The following METTL15 variants were observed in gnomAD, a reference collection of about 807,000 sequenced individuals.
The protein encoded by METTL15 is methyltransferase 15, mitochondrial 12S rRNA N4-cytidine, also known as 12S rRNA N(4)-cytidine methyltransferase METTL15.
A neutral mutation model predicts 38.3 loss-of-function variants in METTL15; 34 were observed. The ratio of observed to expected loss-of-function variants is 0.89; its 90% CI spans 0.68 to 1.18. The LOEUF (loss-of-function observed/expected upper bound fraction) is 1.18, where lower values mean the gene tolerates loss of function less well. METTL15 is among the 50% of genes most tolerant of loss of function. METTL15 has a pLI of 0.00. For missense variants in METTL15, 438 were observed against 498.4 expected (o/e 0.88, Z 1.15); for synonymous variants, 162 against 170.9 (o/e 0.95, Z 0.41).
At chr11:28,349,876 C>T (rs1318991355) in intron 3 of METTL15, among the ~76,000 whole-genome samples, 1 of 152,142 alleles carries the variant, frequency 6.6e-6, no homozygotes, top group African/African-American at 2.4e-5. Context: ...AATAAGATTA[C>T]AAATGTTAAC....
intron 3 of METTL15, among the ~76,000 whole-genome samples, chr11:28,129,818 A>G (rs1414099304): frequency 5.3e-5 from 8 of 152,084 alleles, no homozygotes; most frequent in Admixed American, 1.3e-4. Flanking sequence ...GGATCTGGGG[A>G]TTGCTAAAAT....
chr11:28,126,679 C>T (rs898164496), intron 3 of METTL15, among the ~76,000 whole-genome samples: 4 of 152,058 alleles, frequency 2.6e-5, no homozygotes, highest in African/African-American at 9.7e-5. Flanking sequence ...CAGAAGATGT[C>T]TATTAAGTTT....
At chr11:28,405,428 A>G (rs1407640883) in intron 5 of METTL15, among the ~76,000 whole-genome samples, 1 of 152,046 alleles carries the variant, frequency 6.6e-6, no homozygotes, top group East Asian at 1.9e-4. Flanking sequence ...CTTAACTACA[A>G]TTTACTTTTT....
At chr11:28,110,473 G>A (rs1351523643) in intron 2 of METTL15, 72 bp downstream of exon 2, 1 of 152,190 alleles carries the variant, frequency 6.6e-6, no homozygotes, top group African/African-American at 2.4e-5. Context: ...ACTCCACAGG[G>A]GTCGCTGGAT....
chr11:28,264,725 A>G (rs1010857336), intron 4 of METTL15, among the ~76,000 whole-genome samples: 3 of 152,150 alleles, frequency 2.0e-5, no homozygotes, highest in Admixed American at 6.5e-5. Context: ...ATAGTACTGC[A>G]GACCTCATTT....
At chr11:28,391,486 A>T (rs971284068) in intron 5 of METTL15, among the ~76,000 whole-genome samples, 1 of 152,192 alleles carries the variant, frequency 6.6e-6, no homozygotes, top group Admixed American at 6.6e-5. Flanking sequence ...TATTGAGATA[A>T]TCATGAGCCT....
chr11:28,296,689 G>C, intron 5 of METTL15, 64 bp from the exon 6 acceptor site: 1 of 1,563,708 alleles, frequency 6.4e-7, no homozygotes, highest in Admixed American at 1.7e-5. Flanking sequence ...TCAGTACTCT[G>C]AAGTTTCACG....
At chr11:28,111,941 C>T (rs542870952) in intron 2 of METTL15, among the ~76,000 whole-genome samples, 39 of 152,232 alleles carry the variant, frequency 2.6e-4, no homozygotes, top group African/African-American at 6.5e-4. Flanking sequence ...AACCAAAAAT[C>T]TACTTAGATC....
chr11:28,142,442 A>G (rs1042916396), intron 3 of METTL15, among the ~76,000 whole-genome samples: 47 of 152,192 alleles, frequency 3.1e-4, no homozygotes, highest in African/African-American at 7.7e-4. Flanking sequence ...TGCCTGGCCT[A>G]TTTTGGAAAT....
At chr11:28,354,025 C>T (rs1850068105) in intron 4 of METTL15, among the ~76,000 whole-genome samples, 1 of 150,294 alleles carries the variant, frequency 6.7e-6, no homozygotes. Flanking sequence ...ACCTCATATT[C>T]TAAGAGAGAA....
At chr11:28,225,925 T>C (rs2133873559) in intron 4 of METTL15, among the ~76,000 whole-genome samples, 1 of 152,156 alleles carries the variant, frequency 6.6e-6, no homozygotes, top group East Asian at 1.9e-4. Flanking sequence ...AAAATCTCTT[T>C]GAGATTATTC....
chr11:28,482,691 G>T lies in METTL15; in HGVS notation c.*425-43787G>T, dbSNP rs558002536. On this transcript the variant is annotated intron_variant and NMD_transcript_variant, in intron 6 of 7. Transcript: ENST00000532947. ...ACCAGAGCCAGTTTGTCTGGCTCAG[G>T]GCTACATGCAAAGTGTGGCTCAGCA... Among the ~76,000 whole-genome samples, 33 of 152,218 alleles carry T rather than the reference G, an allele frequency of 2.2e-4. No homozygotes were observed. In the South Asian group the frequency reaches 6.4e-3, roughly 30 times the overall value.
At chr11:28,226,592 C>G (rs186103868) in intron 4 of METTL15, among the ~76,000 whole-genome samples, 15 of 151,934 alleles carry the variant, frequency 9.9e-5, no homozygotes, top group Non-Finnish European at 1.6e-4. Flanking sequence ...GCCAAATTTA[C>G]ACAGGAAGCC....
At chr11:28,279,321 CTAAAATTTGATTGT>C (rs1855960537) in intron 4 of METTL15, among the ~76,000 whole-genome samples, 1 of 152,014 alleles carries the variant, frequency 6.6e-6, no homozygotes, top group African/African-American at 2.4e-5. Context: ...TACAAGCAGC[CTAAAATTTGATTGT>C]TAAAATTCAA....
rs561266383 is a variant in METTL15 at position 28,268,129 on chromosome 11, G to A, written c.408-22077G>A. 5.5e-3 allele frequency among the ~76,000 whole-genome samples: 761 copies of A among 139,380 alleles called. 2 individuals are homozygous for A. Among genetic ancestry groups the A allele is most frequent in the Admixed American group, 0.012 (152 of 12,456 alleles). The allele number at this position is 139,380 out of a possible 152,430, so 91.4% of individuals were successfully genotyped here. A position where few individuals can be genotyped will look rare whatever the true frequency, so the allele number is the denominator to read the frequency against. On this transcript the variant is annotated intron_variant, in intron 4 of 6. Coordinates refer to ENST00000407364, the MANE Select transcript of METTL15 (RefSeq NM_001113528.2). ...GGAGAATGGCGTGAACCCGAGAGGCGGAGCTTGCAGTGAGCCGAGATCCCG... is the reference window on the plus strand; with the variant it reads ...GGAGAATGGCGTGAACCCGAGAGGCAGAGCTTGCAGTGAGCCGAGATCCCG...
intron 3 of METTL15, among the ~76,000 whole-genome samples, chr11:28,208,254 T>C (rs569116711): frequency 1.8e-4 from 27 of 152,316 alleles, no homozygotes; most frequent in African/African-American, 6.5e-4. Flanking sequence ...TTTAGTGCTA[T>C]AAATTTCCCT....
At position 28,295,474 on chromosome 11, in the gene METTL15, A is replaced by G. The variant is rs367944562; in HGVS notation, c.600-1279A>G. Among the ~76,000 whole-genome samples the G allele has an allele frequency of 7.2e-5, 11 of 152,046 alleles. No individual in the cohort carries two copies. In the East Asian group the frequency reaches 1.9e-3, roughly 27 times the overall value. On this transcript the variant is annotated intron_variant, in intron 5 of 6. Transcript: ENST00000407364. ...AGTTTAACGGCAGTCCGACATAAAA[A>G]CAATTATTGTAAGCTACTCGGGAGG...
intron 5 of METTL15, among the ~76,000 whole-genome samples, chr11:28,414,811 T>C (rs1230228261): frequency 6.6e-6 from 1 of 152,232 alleles, no homozygotes; most frequent in Non-Finnish European, 1.5e-5. Flanking sequence ...TTTTGAAGTG[T>C]TTACTTTTCC....
At chr11:28,227,600 G>T (rs776794254) in intron 4 of METTL15, among the ~76,000 whole-genome samples, 7 of 151,920 alleles carry the variant, frequency 4.6e-5, no homozygotes, top group Non-Finnish European at 1.0e-4. Context: ...GATAGAAAGG[G>T]AGAGGAATGA....
Sources: gnomAD v4.1 joint callset for allele counts (sites outside exome capture counted in the v4.1 genomes callset) on GRCh38, gnomAD v4.1.1 for gene constraint, MANE v1.5 for transcripts, NCBI Gene and HGNC (gene_info 2026-07-23, HGNC 2026-07-21) for gene names.